Variants in EXTL3 observed in about 807,000 individuals in gnomAD.
EXTL3 encodes the protein exostosin-like 3.
A neutral mutation model predicts 69.3 loss-of-function variants in EXTL3; 27 were observed. That is an observed-to-expected ratio of 0.39 (90% CI 0.29 to 0.54). The LOEUF is 0.54. Ranked by LOEUF, EXTL3 falls within the 20% of genes least tolerant of loss-of-function variation. EXTL3 has a pLI of 0.69. For synonymous variants in EXTL3, 511 were observed against 499.4 expected, an observed-to-expected ratio of 1.02 and a Z score of -0.31; for missense variants, 1,003 against 1,231.8, an observed-to-expected ratio of 0.81 and a Z score of 2.78.
At chr8:28,713,114 A>G (rs1413755865) in intron 1 of EXTL3, among the ~76,000 whole-genome samples, 1 of 152,132 alleles carries the variant, frequency 6.6e-6, no homozygotes, top group Non-Finnish European at 1.5e-5. Context: ...TTCATCTGTA[A>G]ATATCTCAGT....
intron 1 of EXTL3, among the ~76,000 whole-genome samples, chr8:28,657,525 T>C (rs1002914796): frequency 1.3e-5 from 2 of 152,222 alleles, no homozygotes; most frequent in Non-Finnish European, 2.9e-5. Context: ...TGTTTAGAGC[T>C]GTAACATTCT....
At chr8:28,658,533 C>G (rs1362029893) in intron 1 of EXTL3, among the ~76,000 whole-genome samples, 1 of 152,142 alleles carries the variant, frequency 6.6e-6, no homozygotes, top group Non-Finnish European at 1.5e-5. Context: ...CTGTTCCCCC[C>G]CTGCCCCCGC....
chr8:28,639,187 C>G (rs148464297), intron 1 of EXTL3, among the ~76,000 whole-genome samples: 4,173 of 152,170 alleles, frequency 0.027, 143 homozygotes, highest in African/African-American at 0.083. Flanking sequence ...TCGCCTGCCT[C>G]GGCCTCCCAA....
intron 1 of EXTL3, chr8:28,685,742 T>C (rs1272567773): frequency 6.6e-6 from 1 of 152,108 alleles, no homozygotes; most frequent in Non-Finnish European, 1.5e-5. Flanking sequence ...CAGTTTTTGA[T>C]GTTTTGCCAC....
rs991444336 is a variant in EXTL3, at chr8:28,661,521, G to A, written c.-53+38711G>A. Among the ~76,000 whole-genome samples, 18 of 151,924 alleles carry A rather than the reference G, an allele frequency of 1.2e-4. No individual in the cohort carries two copies. In the South Asian group the frequency reaches 1.5e-3, roughly 12 times the overall value. On this transcript the variant is annotated intron_variant, in intron 1 of 6. Coordinates refer to the EXTL3 transcript ENST00000523149. ...AACATGAATATATATATGTTGGGGC[G>A]TATATAAACACACATATATATATAG...
At chr8:28,655,867 T>G (rs2130611999) in intron 1 of EXTL3, among the ~76,000 whole-genome samples, 1 of 152,292 alleles carries the variant, frequency 6.6e-6, no homozygotes, top group Non-Finnish European at 1.5e-5. Context: ...ATTTACAGAA[T>G]GATTCAACCT....
chr8:28,717,004 CG>C lies in EXTL3; in HGVS notation c.946del (p.Val316TyrfsTer22). 1 of 1,614,194 alleles carries C rather than the reference CG, an allele frequency of 6.2e-7. No individual in the cohort carries two copies. The highest frequency in any genetic ancestry group is 8.5e-7 in the Non-Finnish European group (1 of 1,180,044). ...AGTACAGACCTGGCTTTGACTTGGT[CG>C]TATCACCGCTGGTCCATGCCATGTC... Reference protein sequence around the residue: ...VQYRPGFDLVVSPLVHAMSEP... With the variant: ...VQYRPGFDLVXSPLVHAMSEP... On this transcript the variant is annotated frameshift_variant, in exon 3 of 7. Coordinates refer to ENST00000220562, the MANE Select transcript of EXTL3 (RefSeq NM_001440.4). LOFTEE classifies it high-confidence loss of function. The surrounding 1 kb of genome is among the most constrained non-coding windows in gnomAD (Gnocchi z 8.3).
chr8:28,746,674 A>G lies in EXTL3; in HGVS notation c.2550+3460A>G, dbSNP rs754167978. ...AAATATATTGGGGATGCAGTCTTAA[A>G]TGGTTTTTTGTTTCTTTTTTGAGAT... On this transcript the variant is annotated intron_variant, in intron 6 of 6. Transcript: ENST00000220562. Among the ~76,000 whole-genome samples, 21 of 145,816 alleles carry G rather than the reference A, an allele frequency of 1.4e-4. No individual in the cohort carries two copies. The East Asian group carries it at 2.9e-3, about 20-fold the overall frequency.
Position 28,750,534 on chromosome 8 carries a change from G to C in EXTL3, c.2551-123G>C, listed in dbSNP as rs1801981042. 1.5e-5 allele frequency: 12 copies of C among 798,758 alleles called. No homozygotes were observed. The highest frequency in any genetic ancestry group is 2.6e-5 in the Non-Finnish European group (12 of 467,990). The allele number at this position is 798,758 out of a possible 1,614,324, so 49.5% of individuals were successfully genotyped here. On this transcript the variant is annotated intron_variant, in intron 6 of 6. Coordinates refer to ENST00000220562, the MANE Select transcript of EXTL3 (RefSeq NM_001440.4). The surrounding 1 kb of genome is among the most constrained non-coding windows in gnomAD (Gnocchi z 5.2). ...TCTGGTTCCTGCCATGCTCTGCAGG[G>C]ATGTTGCCCCTGAGGGGATCAGCGT...
chr8:28,684,659 T>C (rs957557038), intron 1 of EXTL3, among the ~76,000 whole-genome samples: 1 of 152,074 alleles, frequency 6.6e-6, no homozygotes, highest in Non-Finnish European at 1.5e-5. Context: ...AGAGGGTCAC[T>C]TGAACCGAGG....
At chr8:28,713,106 C>T (rs749447162) in intron 1 of EXTL3, among the ~76,000 whole-genome samples, 1 of 152,198 alleles carries the variant, frequency 6.6e-6, no homozygotes, top group African/African-American at 2.4e-5. Context: ...TATATCATTT[C>T]ATCTGTAAAT....
At chr8:28,627,700 A>G (rs1251315686) in intron 1 of EXTL3, among the ~76,000 whole-genome samples, 2 of 152,210 alleles carry the variant, frequency 1.3e-5, no homozygotes, top group Admixed American at 6.5e-5. Context: ...GTGTTCATGG[A>G]CAGATGAATG....
chr8:28,637,931 C>T (rs1224748089), intron 1 of EXTL3, among the ~76,000 whole-genome samples: 1 of 152,238 alleles, frequency 6.6e-6, no homozygotes, highest in East Asian at 1.9e-4. Context: ...AAAGTCACAA[C>T]CAATTCCCTG....
chr8:28,619,818 C>T (rs534213529), upstream of EXTL3, among the ~76,000 whole-genome samples: 3 of 133,482 alleles, frequency 2.2e-5, no homozygotes, highest in South Asian at 5.1e-4. Context: ...CATCCGTATC[C>T]GTACACCGCC....
rs369118658 is a variant in EXTL3, at chr8:28,737,502, C to A, written c.2277-17C>A. Reference sequence around the variant, plus strand: ...AGCTCTGTATTCAGGTCTGTGTATGCACTTGTGTTTTTCAAGGGTGTGGAG... The same window carrying A: ...AGCTCTGTATTCAGGTCTGTGTATGAACTTGTGTTTTTCAAGGGTGTGGAG... On this transcript the variant is annotated splice_polypyrimidine_tract_variant and intron_variant, in intron 4 of 6. Transcript: ENST00000220562. 2.5e-5 allele frequency: 41 copies of A among 1,613,896 alleles called. No homozygotes were observed. In the African/African-American group the frequency reaches 4.5e-4, roughly 18 times the overall value.
In EXTL3 at chr8:28,713,438, GTTT is replaced by G; in HGVS notation, c.-569-10_-569-8del. On this transcript the variant is annotated splice_polypyrimidine_tract_variant and intron_variant, in intron 1 of 6. Transcript: ENST00000220562. ...TGTCACTGTTCTATTTTTGTTTTTT[GTTT>G]TTTTTTTTAAATCAGGAGAGCAAGC... The G allele has an allele frequency of 1.9e-6, 1 of 519,210 alleles. No individual in the cohort carries two copies. The highest frequency in any genetic ancestry group is 3.5e-6 in the Non-Finnish European group (1 of 286,020). 32.2% of individuals were successfully genotyped at this position (519,210 alleles called of 1,614,324 possible). A position where few individuals can be genotyped will look rare whatever the true frequency, so the allele number is the denominator to read the frequency against.
chr8:28,703,600 A>T (rs1164873533), intron 1 of EXTL3, among the ~76,000 whole-genome samples: 1 of 152,082 alleles, frequency 6.6e-6, no homozygotes, highest in Non-Finnish European at 1.5e-5. Flanking sequence ...TCCTTGTCTC[A>T]GTTGAGACTG....
intron 2 of EXTL3, among the ~76,000 whole-genome samples, chr8:28,616,685 G>A (rs912557153): frequency 2.6e-5 from 4 of 151,712 alleles, no homozygotes; most frequent in African/African-American, 7.3e-5. Context: ...GGCTGATACC[G>A]CCTGAATGCT....
intron 3 of EXTL3, among the ~76,000 whole-genome samples, chr8:28,718,518 A>T (rs992981676): frequency 2.0e-5 from 3 of 152,226 alleles, no homozygotes; most frequent in African/African-American, 7.2e-5. Flanking sequence ...GATGATGATG[A>T]TAATGATAAG....
Sources: gnomAD v4.1 joint callset for allele counts (sites outside exome capture counted in the v4.1 genomes callset) on GRCh38, gnomAD v4.1.1 for gene constraint, Gnocchi (gnomAD v3.1) non-coding constraint, MANE v1.5 for transcripts, NCBI Gene and HGNC (gene_info 2026-07-23, HGNC 2026-07-21) for gene names.